SV2C: variants seen among roughly 807,000 people sequenced by gnomAD.
SV2C encodes solute carrier family 22 member B3.
Under a neutral mutation model 79.7 loss-of-function variants are expected in SV2C, and 49 were observed. The ratio of observed to expected loss-of-function variants is 0.61; its 90% CI spans 0.49 to 0.78. The LOEUF is 0.78. SV2C is among the 30% of genes least tolerant of loss of function. The pLI is 0.00. For synonymous variants in SV2C, 334 were observed against 333.2 expected, an observed-to-expected ratio of 1.00 and a Z score of -0.03; for missense variants, 833 against 912.9, an observed-to-expected ratio of 0.91 and a Z score of 1.13.
intron 1 of SV2C, among the ~76,000 whole-genome samples, chr5:76,100,929 G>A (rs1028305677): frequency 7.2e-5 from 11 of 152,216 alleles, no homozygotes; most frequent in Middle Eastern, 3.2e-3. Flanking sequence ...AACCAAAAAT[G>A]TTTCCAAATA....
chr5:75,944,998 C>G, the SV2C span, among the ~76,000 whole-genome samples: 1 of 152,032 alleles, frequency 6.6e-6, no homozygotes, highest in Non-Finnish European at 1.5e-5. Flanking sequence ...AAAAAAAACC[C>G]ACACAAAAAT....
intron 2 of SV2C, among the ~76,000 whole-genome samples, chr5:76,164,172 C>G (rs1406260590): frequency 6.6e-6 from 1 of 152,212 alleles, no homozygotes; most frequent in Non-Finnish European, 1.5e-5. Context: ...CTTCCTAAAG[C>G]ACTCAAGTCA....
the SV2C span, among the ~76,000 whole-genome samples, chr5:76,065,552 T>G: frequency 3.3e-5 from 5 of 152,190 alleles, no homozygotes; most frequent in Admixed American, 3.3e-4. Flanking sequence ...ACGTAATTTT[T>G]TATGAACGGC....
At chr5:75,980,976 C>T in the SV2C span, among the ~76,000 whole-genome samples, 8 of 152,182 alleles carry the variant, frequency 5.3e-5, no homozygotes, top group African/African-American at 1.9e-4. Context: ...ATACTCTCAG[C>T]CCAAAAGCTT....
chr5:76,206,847 A>G (rs1382493908), intron 3 of SV2C, among the ~76,000 whole-genome samples: 1 of 152,236 alleles, frequency 6.6e-6, no homozygotes, highest in African/African-American at 2.4e-5. Flanking sequence ...TCAGCCCACA[A>G]TAAGAAATGT....
At chr5:76,348,918 G>A (rs1749593067) in intron 12 of SV2C, among the ~76,000 whole-genome samples, 1 of 149,308 alleles carries the variant, frequency 6.7e-6, no homozygotes, top group Admixed American at 6.6e-5. Context: ...AGAACAGCTT[G>A]AACCCAGGAG....
chr5:76,195,859 C>T lies in SV2C; in HGVS notation c.761+760C>T, dbSNP rs1001374889. On this transcript the variant is annotated intron_variant, in intron 3 of 12. Transcript: ENST00000502798. ...AAATAATCTGTACAACAAACCCCCA[C>T]GACACAAGTTTACCTCTATAACAAA... Among the ~76,000 whole-genome samples the T allele has an allele frequency of 7.2e-5, 11 of 152,216 alleles. No homozygotes were observed. The East Asian group carries it at 7.7e-4, about 11-fold the overall frequency.
chr5:75,861,622 C>T, the SV2C span, among the ~76,000 whole-genome samples: 1 of 144,076 alleles, frequency 6.9e-6, no homozygotes. Flanking sequence ...TACATACACA[C>T]CATGGACACA....
intron 4 of SV2C, among the ~76,000 whole-genome samples, chr5:76,219,328 C>T (rs913586020): frequency 1.2e-4 from 18 of 152,138 alleles, no homozygotes; most frequent in African/African-American, 3.4e-4. Context: ...TTTATCTCAA[C>T]GAAAGAACCC....
chr5:76,201,956 C>G (rs1050271454), intron 3 of SV2C, among the ~76,000 whole-genome samples: 1 of 137,866 alleles, frequency 7.3e-6, no homozygotes, highest in South Asian at 2.2e-4. Context: ...GCGGAGCTTG[C>G]AGTGAGCTGA....
intron 1 of SV2C, among the ~76,000 whole-genome samples, chr5:76,117,762 T>G (rs377753775): frequency 2.0e-5 from 3 of 152,032 alleles, no homozygotes; most frequent in African/African-American, 7.2e-5. Context: ...GAACTAAACA[T>G]TAAACAATAA....
chr5:76,169,736 C>T (rs1016118498), intron 2 of SV2C, among the ~76,000 whole-genome samples: 1 of 152,094 alleles, frequency 6.6e-6, no homozygotes, highest in Non-Finnish European at 1.5e-5. Context: ...GTCCTAGCAA[C>T]AATAGCACGT....
At chr5:75,921,747 T>C in the SV2C span, 1 of 386,586 alleles carries the variant, frequency 2.6e-6, no homozygotes, top group South Asian at 2.8e-5. Flanking sequence ...GCATTTTGTT[T>C]CAGAAGCTCA....
At chr5:76,110,058 T>C (rs187809917) in intron 1 of SV2C, among the ~76,000 whole-genome samples, 13 of 152,318 alleles carry the variant, frequency 8.5e-5, no homozygotes, top group Non-Finnish European at 1.6e-4. Context: ...ATCCACAGTA[T>C]TTTTAGTCAC....
Position 76,298,803 on chromosome 5 carries a change from G to A in SV2C, c.1512G>A (p.Gly504=), listed in dbSNP as rs751937222. The A allele has an allele frequency of 4.3e-6, 7 of 1,613,558 alleles. 1 individual carries two copies. In the South Asian group the frequency reaches 7.7e-5, roughly 18 times the overall value. ...GMEYDNGRFI[G]VKFKSVTFKD... Reference sequence around the variant, plus strand: ...TCTGTGTGTTGGGCAGATTCATAGGGGTCAAGTTCAAATCTGTAACTTTCA... The same window carrying A: ...TCTGTGTGTTGGGCAGATTCATAGGAGTCAAGTTCAAATCTGTAACTTTCA... The change falls in exon 10 of 13, where the codon GGG becomes GGA. Residue 504 remains glycine (G), a synonymous_variant. Transcript: ENST00000502798.
the SV2C span, among the ~76,000 whole-genome samples, chr5:75,898,350 C>G: frequency 1.5e-4 from 23 of 152,152 alleles, no homozygotes; most frequent in South Asian, 8.3e-4. Flanking sequence ...CTTTGGTTCT[C>G]TTTATATGCT....
chr5:76,225,421 TG>T (rs1745206858), intron 4 of SV2C, among the ~76,000 whole-genome samples: 1 of 152,170 alleles, frequency 6.6e-6, no homozygotes. Flanking sequence ...ACTTGGGGCT[TG>T]GACAGGATAC....
the SV2C span, among the ~76,000 whole-genome samples, chr5:76,048,921 GAAA>G: frequency 4.3e-4 from 32 of 74,710 alleles, no homozygotes; most frequent in African/African-American, 1.5e-3. Flanking sequence ...GGGAAAGAAA[GAAA>G]AAAAGAGAAA....
intron 4 of SV2C, among the ~76,000 whole-genome samples, chr5:76,242,972 C>T (rs1054774821): frequency 7.5e-6 from 1 of 133,640 alleles, no homozygotes; most frequent in Non-Finnish European, 1.5e-5. Context: ...TAAGATCACA[C>T]CACTGCACTC....
Sources: gnomAD v4.1 joint callset for allele counts (sites outside exome capture counted in the v4.1 genomes callset) on GRCh38, gnomAD v4.1.1 for gene constraint, MANE v1.5 for transcripts, NCBI Gene and HGNC (gene_info 2026-07-23, HGNC 2026-07-21) for gene names.